Variants in CCDC7 observed in about 807,000 individuals in gnomAD.
The protein encoded by CCDC7 is coiled-coil domain-containing protein 7.
Under a neutral mutation model 196.9 loss-of-function variants are expected in CCDC7, and 183 were observed. That is an observed-to-expected ratio of 0.93 (90% CI 0.82 to 1.05). The LOEUF (loss-of-function observed/expected upper bound fraction) is 1.05, where lower values mean the gene tolerates loss of function less well. Ranked by LOEUF, CCDC7 falls within the 50% of genes least tolerant of loss-of-function variation. CCDC7 has a pLI of 0.00. For synonymous variants in CCDC7, 525 were observed against 484.6 expected (o/e 1.08, Z -1.10); for missense variants, 1,540 against 1,482.2 (o/e 1.04, Z -0.64).
rs180911458 is a variant in CCDC7, at chr10:32,456,827, A to G, written c.456+493A>G. ...TTGCAATTGTCTTTTTTTTCATATA[A>G]TAGAATACACTTAATTTATTGCTTT... On this transcript the variant is annotated intron_variant, in intron 3 of 41. Coordinates refer to ENST00000639629, the Ensembl canonical transcript of CCDC7. 2.0e-5 allele frequency among the ~76,000 whole-genome samples: 3 copies of G among 152,228 alleles called. No individual in the cohort carries two copies. The East Asian group carries it at 5.8e-4, about 29-fold the overall frequency.
At chr10:32,542,091 G>A (rs2051542273) in intron 11 of CCDC7, among the ~76,000 whole-genome samples, 1 of 152,122 alleles carries the variant, frequency 6.6e-6, no homozygotes, top group African/African-American at 2.4e-5. Context: ...GTGCATATGA[G>A]ATGCTTCTAG....
chr10:32,842,937 G>A (rs1216626675), intron 33 of CCDC7, among the ~76,000 whole-genome samples: 4 of 151,812 alleles, frequency 2.6e-5, no homozygotes, highest in African/African-American at 9.7e-5. Context: ...TGGGGACTTG[G>A]GGAAAGAGTA....
At position 32,518,129 on chromosome 10, in the gene CCDC7, C is replaced by T. The variant is rs1471046388; in HGVS notation, c.903+154C>T. Among the ~76,000 whole-genome samples the T allele has an allele frequency of 2.0e-5, 3 of 152,092 alleles. No individual in the cohort carries two copies. The East Asian group carries it at 5.8e-4, about 29-fold the overall frequency. On this transcript the variant is annotated intron_variant, in intron 10 of 41. Transcript: ENST00000639629. ...TGCATATGTGAACTTTCTGGAAAGC[C>T]TTGTCTATTTTGTTCATTTTACTCT...
chr10:32,613,138 G>C (rs2062374130), intron 18 of CCDC7, among the ~76,000 whole-genome samples: 1 of 151,762 alleles, frequency 6.6e-6, no homozygotes, highest in South Asian at 2.1e-4. Flanking sequence ...TTTTTTCCTG[G>C]TTTAGTCTTG....
chr10:32,613,176 C>T (rs1209672125), intron 18 of CCDC7, among the ~76,000 whole-genome samples: 1 of 151,926 alleles, frequency 6.6e-6, no homozygotes, highest in Non-Finnish European at 1.5e-5. Context: ...AGGAATTTAT[C>T]CATTTATTCT....
chr10:32,567,163 GATT>G (rs1262373626), intron 14 of CCDC7, among the ~76,000 whole-genome samples: 2 of 144,980 alleles, frequency 1.4e-5, no homozygotes, highest in Non-Finnish European at 3.1e-5. Flanking sequence ...TATGAGGTGA[GATT>G]ATTTATGAAT....
At chr10:32,461,734 T>TGCAC (rs2035756708) in intron 3 of CCDC7, among the ~76,000 whole-genome samples, 1 of 82,060 alleles carries the variant, frequency 1.2e-5, no homozygotes, top group Non-Finnish European at 2.3e-5. Flanking sequence ...TATATATGTA[T>TGCAC]ATATATATAT....
intron 18 of CCDC7, among the ~76,000 whole-genome samples, chr10:32,620,501 A>G (rs1278600618): frequency 1.3e-5 from 2 of 149,968 alleles, no homozygotes; most frequent in African/African-American, 2.5e-5. Context: ...TTACCCTCAC[A>G]TTGGATTTTT....
intron 23 of CCDC7, among the ~76,000 whole-genome samples, chr10:32,692,502 G>A (rs2077200460): frequency 6.6e-6 from 1 of 152,176 alleles, no homozygotes; most frequent in South Asian, 2.1e-4. Context: ...CCTGTGGGAT[G>A]TTGAGTCTCT....
exon 1 of CCDC7, chr10:32,446,240 TAAAAGGGA>T (rs1343656369): frequency 4.6e-5 from 7 of 152,208 alleles, no homozygotes; most frequent in African/African-American, 1.7e-4. Context: ...CGTCAGTTTG[TAAAAGGGA>T]GGTGCTGGAG....
At position 32,568,524 on chromosome 10, in the gene CCDC7, C is replaced by T. The variant is rs116793828; in HGVS notation, c.1419+633C>T. Among the ~76,000 whole-genome samples the T allele has an allele frequency of 4.4e-3, 666 of 151,942 alleles. 4 individuals are homozygous for T. Among genetic ancestry groups the T allele is most frequent in the African/African-American group, 0.015 (621 of 41,396 alleles). ...AGATAAATAATAAAAATAGTTTCTC[C>T]GAGGGCAATAAAAATTATTAAAGTT... On this transcript the variant is annotated intron_variant, in intron 15 of 41. Coordinates refer to ENST00000639629, the Ensembl canonical transcript of CCDC7.
At chr10:32,444,687 T>C (rs542688470), upstream of CCDC7, among the ~76,000 whole-genome samples, 7 of 152,350 alleles carry the variant, frequency 4.6e-5, no homozygotes, top group African/African-American at 1.4e-4. Flanking sequence ...ATTTAGCAAT[T>C]CAATTCTTTC....
At chr10:32,500,308 G>C (rs889331502) in intron 9 of CCDC7, among the ~76,000 whole-genome samples, 56 of 151,476 alleles carry the variant, frequency 3.7e-4, no homozygotes, top group African/African-American at 1.2e-3. Context: ...CTGCTGGGCG[G>C]AGGGGCTCCT....
rs2063708529 is a variant in CCDC7, at chr10:32,624,097, A to G, written c.1802-10157A>G. On this transcript the variant is annotated intron_variant, in intron 18 of 41. Coordinates refer to ENST00000639629, the Ensembl canonical transcript of CCDC7. ...TTCTTGACTGCTTACTTTCTCTCACAATCCTTATTCAATGCACTAGAACAT... is the reference window on the plus strand; with the variant it reads ...TTCTTGACTGCTTACTTTCTCTCACGATCCTTATTCAATGCACTAGAACAT... Among the ~76,000 whole-genome samples, 5 of 152,242 alleles carry G rather than the reference A, an allele frequency of 3.3e-5. No homozygotes were observed. In the South Asian group the frequency reaches 1.0e-3, roughly 32 times the overall value.
intron 31 of CCDC7, among the ~76,000 whole-genome samples, chr10:32,823,769 T>C (rs1162347480): frequency 1.3e-5 from 2 of 152,208 alleles, no homozygotes; most frequent in Non-Finnish European, 2.9e-5. Flanking sequence ...GATACTAGTT[T>C]CTAAATCCAA....
chr10:32,684,185 A>G (rs982184032), intron 21 of CCDC7, among the ~76,000 whole-genome samples: 3 of 152,212 alleles, frequency 2.0e-5, no homozygotes, highest in Middle Eastern at 3.4e-3. Flanking sequence ...CAGTCTGTCC[A>G]CATTTCAGTA....
intron 8 of CCDC7, among the ~76,000 whole-genome samples, chr10:32,483,533 C>T (rs1313707531): frequency 6.6e-6 from 1 of 152,134 alleles, no homozygotes; most frequent in Non-Finnish European, 1.5e-5. Flanking sequence ...GCTTTTGTTG[C>T]CATTGCTTTT....
intron 29 of CCDC7, among the ~76,000 whole-genome samples, chr10:32,803,862 T>G (rs1458793369): frequency 6.6e-6 from 1 of 152,180 alleles, no homozygotes; most frequent in Non-Finnish European, 1.5e-5. Context: ...TTCATTTGTG[T>G]GTCCCTCTTC....
chr10:32,854,149 A>G (rs943377905), intron 40 of CCDC7, among the ~76,000 whole-genome samples: 1 of 152,142 alleles, frequency 6.6e-6, no homozygotes, highest in Admixed American at 6.6e-5. Context: ...TTCTGATCCT[A>G]TGTTAATTTG....
Sources: gnomAD v4.1 joint callset for allele counts (sites outside exome capture counted in the v4.1 genomes callset) on GRCh38, gnomAD v4.1.1 for gene constraint, MANE v1.5 for transcripts, NCBI Gene and HGNC (gene_info 2026-07-23, HGNC 2026-07-21) for gene names.